The following DEUP1 variants were observed in gnomAD, a reference collection of about 807,000 sequenced individuals.
DEUP1 encodes deuterosome assembly protein 1, also known as coiled-coil domain containing 67.
Under a neutral mutation model 87.4 loss-of-function variants are expected in DEUP1, and 82 were observed. The ratio of observed to expected loss-of-function variants is 0.94; its 90% CI spans 0.78 to 1.13. DEUP1 has a LOEUF of 1.13. Ranked by LOEUF, DEUP1 falls within the 50% of genes most tolerant of loss-of-function variation. DEUP1 has a pLI of 0.00. For synonymous variants in DEUP1, 214 were observed against 222.7 expected (o/e 0.96, Z 0.35); for missense variants, 663 against 681.5 (o/e 0.97, Z 0.30).
intron 11 of DEUP1, among the ~76,000 whole-genome samples, chr11:93,403,111 T>C (rs117675379): frequency 0.012 from 1,750 of 152,124 alleles, 22 homozygotes; most frequent in South Asian, 0.076. Flanking sequence ...TTATCCTATG[T>C]ACTCTGAAAA....
chr11:93,338,910 A>G (rs1943913606), intron 2 of DEUP1, among the ~76,000 whole-genome samples: 1 of 152,236 alleles, frequency 6.6e-6, no homozygotes. Flanking sequence ...GACTATTTTC[A>G]TAGATACACT....
chr11:93,342,636 C>T (rs937989012), intron 2 of DEUP1, among the ~76,000 whole-genome samples: 1 of 152,170 alleles, frequency 6.6e-6, no homozygotes, highest in African/African-American at 2.4e-5. Flanking sequence ...TCAAGGCAGA[C>T]TGGGAAATGT....
chr11:93,379,409 T>A (rs1302515934), intron 7 of DEUP1, among the ~76,000 whole-genome samples: 1 of 152,166 alleles, frequency 6.6e-6, no homozygotes, highest in African/African-American at 2.4e-5. Flanking sequence ...AAAGAAAAAA[T>A]GCTGCAAACA....
chr11:93,339,648 C>G (rs7111223), intron 2 of DEUP1, among the ~76,000 whole-genome samples: 12,990 of 152,198 alleles, frequency 0.085, 1,413 homozygotes, highest in African/African-American at 0.25. Context: ...CACCAACAAC[C>G]CCAAGGGAGA....
At chr11:93,339,732 G>T (rs377020227) in intron 2 of DEUP1, among the ~76,000 whole-genome samples, 1 of 152,164 alleles carries the variant, frequency 6.6e-6, no homozygotes, top group Admixed American at 6.5e-5. Context: ...CACAGTGTCG[G>T]AGGAGGCCAC....
At chr11:93,415,591 C>T (rs1366246558) in intron 13 of DEUP1, among the ~76,000 whole-genome samples, 7 of 151,932 alleles carry the variant, frequency 4.6e-5, no homozygotes, top group Admixed American at 2.6e-4. Context: ...GATCAGACAT[C>T]CCCAGCACTC....
At chr11:93,358,143 T>C (rs1400904717) in intron 4 of DEUP1, among the ~76,000 whole-genome samples, 1 of 152,160 alleles carries the variant, frequency 6.6e-6, no homozygotes, top group East Asian at 1.9e-4. Context: ...ATCTAGAAAG[T>C]TAGGTGCCAT....
At chr11:93,342,609 C>A (rs574463989) in intron 2 of DEUP1, among the ~76,000 whole-genome samples, 1 of 152,274 alleles carries the variant, frequency 6.6e-6, no homozygotes, top group Non-Finnish European at 1.5e-5. Context: ...GATTTTGTTA[C>A]ATGTCCATGC....
intron 7 of DEUP1, among the ~76,000 whole-genome samples, chr11:93,375,145 T>C (rs1032677697): frequency 2.0e-5 from 3 of 152,128 alleles, no homozygotes; most frequent in African/African-American, 7.2e-5. Flanking sequence ...TGATTTTGTA[T>C]CCTGAAACTT....
chr11:93,414,945 A>T, intron 12 of DEUP1, 55 bp from the exon 13 acceptor site: 1 of 991,114 alleles, frequency 1.0e-6, no homozygotes, highest in Non-Finnish European at 1.4e-6. Flanking sequence ...CCTTAGCTAC[A>T]TAAATAAACA....
intron 13 of DEUP1, among the ~76,000 whole-genome samples, chr11:93,417,073 A>C (rs1027812101): frequency 2.0e-5 from 3 of 150,034 alleles, no homozygotes; most frequent in Non-Finnish European, 3.0e-5. Context: ...AGCCAATATC[A>C]TACTGAATGG....
intron 4 of DEUP1, 21 bp from the exon 5 acceptor site, chr11:93,364,139 A>G: frequency 6.6e-7 from 1 of 1,510,096 alleles, no homozygotes; most frequent in Non-Finnish European, 9.1e-7. Context: ...GTAAAATGTT[A>G]ACATTTTCTG....
intron 2 of DEUP1, among the ~76,000 whole-genome samples, chr11:93,350,779 G>A (rs139215342): frequency 0.017 from 2,512 of 150,804 alleles, 26 homozygotes; most frequent in East Asian, 0.061. Context: ...ATGAAACCCC[G>A]TCTCTACTAA....
upstream of DEUP1, chr11:93,330,720 C>A (rs1469845631): frequency 6.5e-6 from 1 of 152,712 alleles, no homozygotes; most frequent in Non-Finnish European, 1.5e-5. Context: ...AGGTGACATA[C>A]GCGGTCCTGC....
At chr11:93,386,498 A>C (rs1393323381) in intron 8 of DEUP1, among the ~76,000 whole-genome samples, 1 of 152,200 alleles carries the variant, frequency 6.6e-6, no homozygotes, top group East Asian at 1.9e-4. Context: ...ATAGGATTTT[A>C]AAAATTGAAT....
At chr11:93,378,908 A>T (rs1039478017) in intron 7 of DEUP1, among the ~76,000 whole-genome samples, 3 of 152,032 alleles carry the variant, frequency 2.0e-5, no homozygotes, top group African/African-American at 7.3e-5. Context: ...TGGGAGCTGC[A>T]AGTTAGTCCT....
chr11:93,340,716 T>C (rs1386572001), intron 2 of DEUP1, among the ~76,000 whole-genome samples: 1 of 152,186 alleles, frequency 6.6e-6, no homozygotes, highest in African/African-American at 2.4e-5. Flanking sequence ...GACAATGTTA[T>C]AGATCCTGGA....
rs1555068612 is a variant in DEUP1 at position 93,437,752 on chromosome 11, C to CA, written c.*34dup. 97 of 1,052,716 alleles carry CA rather than the reference C, an allele frequency of 9.2e-5. 1 individual carries two copies. The South Asian group carries it at 1.0e-3, about 11-fold the overall frequency. 65.2% of individuals were successfully genotyped at this position (1,052,716 alleles called of 1,614,324 possible). A position where few individuals can be genotyped will look rare whatever the true frequency, so the allele number is the denominator to read the frequency against. On this transcript the variant is annotated 3_prime_UTR_variant, in exon 14 of 14. Coordinates refer to ENST00000298050, the MANE Select transcript of DEUP1 (RefSeq NM_181645.4). ...AACTTTTTTATTTGCTTCCCCCCCC[C>CA]ACCCCCGCCAAGAAAAAAAGCTCTG...
At chr11:93,346,447 GA>G (rs1477894317) in intron 2 of DEUP1, among the ~76,000 whole-genome samples, 1 of 152,050 alleles carries the variant, frequency 6.6e-6, no homozygotes, top group African/African-American at 2.4e-5. Context: ...GGCTGGTTTC[GA>G]ACTCCTGAAC....
Sources: allele counts gnomAD v4.1 joint callset (sites outside exome capture counted in the v4.1 genomes callset), GRCh38; gene constraint gnomAD v4.1.1; transcripts MANE v1.5; gene names NCBI Gene and HGNC (gene_info 2026-07-23, HGNC 2026-07-21).